The following LRRC17 variants were observed in gnomAD, a reference collection of about 807,000 sequenced individuals.
LRRC17 encodes the protein leucine-rich repeat-containing protein 17.
Under a neutral mutation model 41.5 loss-of-function variants are expected in LRRC17, and 33 were observed. The ratio of observed to expected loss-of-function variants is 0.80; its 90% CI spans 0.60 to 1.06. The LOEUF is 1.06. LRRC17 is among the 50% of genes least tolerant of loss of function. LRRC17 has a pLI of 0.00. For synonymous variants in LRRC17, 192 were observed against 197.0 expected (o/e 0.97, Z 0.21); for missense variants, 491 against 519.3 (o/e 0.95, Z 0.53).
chr7:102,926,612 A>G (rs776530302), intron 1 of LRRC17, among the ~76,000 whole-genome samples: 3 of 152,212 alleles, frequency 2.0e-5, no homozygotes, highest in Non-Finnish European at 4.4e-5. Context: ...TCATTCCATC[A>G]CAATGACACT....
chr7:102,939,894 G>GT lies in LRRC17; in HGVS notation c.928+319dup, dbSNP rs199710203. Among the ~76,000 whole-genome samples the GT allele has an allele frequency of 7.1e-4, 105 of 148,274 alleles. No homozygotes were observed. The East Asian group carries it at 9.2e-3, about 13-fold the overall frequency. ...GTCAATAGTATACTAAAATGTAGTG[G>GT]TTTTTTTTTTGTTTTTTGAGATGGA... is the stretch of plus-strand genomic sequence containing the variant. On this transcript the variant is annotated intron_variant, in intron 3 of 3. Transcript: ENST00000339431.
chr7:102,929,736 C>T (rs972912353), intron 1 of LRRC17, among the ~76,000 whole-genome samples: 31 of 150,886 alleles, frequency 2.1e-4, no homozygotes, highest in Non-Finnish European at 3.1e-4. Flanking sequence ...TGCATAGGGC[C>T]GGGGGTTGAG....
chr7:102,922,918 C>A (rs1480349226), intron 1 of LRRC17, among the ~76,000 whole-genome samples: 1 of 152,064 alleles, frequency 6.6e-6, no homozygotes, highest in African/African-American at 2.4e-5. Context: ...GCGGAGCTTG[C>A]AGTGAGCTGA....
chr7:102,933,253 T>C (rs1446682745), intron 1 of LRRC17: 1 of 152,012 alleles, frequency 6.6e-6, no homozygotes, highest in Non-Finnish European at 1.5e-5. Context: ...CCCAACATGG[T>C]TGGTGACTGG....
chr7:102,928,177 T>C (rs12056296), intron 1 of LRRC17, among the ~76,000 whole-genome samples: 29,362 of 152,114 alleles, frequency 0.19, 3,042 homozygotes, highest in East Asian at 0.43. Flanking sequence ...CATTCTCAGA[T>C]TGAGATGAGG....
In LRRC17 at chr7:102,939,488, CA is replaced by C; in HGVS notation, c.833del (p.Asn278IlefsTer17). 1 of 1,613,794 alleles carries C rather than the reference CA, an allele frequency of 6.2e-7. No individual in the cohort carries two copies. Among genetic ancestry groups the C allele is most frequent in the Non-Finnish European group, 8.5e-7 (1 of 1,179,828 alleles). On this transcript the variant is annotated frameshift_variant, in exon 3 of 4. Transcript: ENST00000339431. LOFTEE classifies it high-confidence loss of function. ...PDIVKLDLSYNKINQLRPKEF... is the reference protein window; with the variant it reads ...PDIVKLDLSYXKINQLRPKEF... ...ATATTGTTAAACTTGACTTGTCATA[CA>C]ATAAAATCAACCAACTTCGACCCAA...
Position 102,933,880 on chromosome 7 carries a change from A to G in LRRC17, c.-34A>G, listed in dbSNP as rs1472153923. The G allele has an allele frequency of 6.4e-7, 1 of 1,553,928 alleles. No individual in the cohort carries two copies. Among genetic ancestry groups the G allele is most frequent in the Non-Finnish European group, 8.7e-7 (1 of 1,147,830 alleles). On this transcript the variant is annotated 5_prime_UTR_variant, in exon 2 of 4. Transcript: ENST00000339431. ...GGAATACTTTCATTGTTCCGTCTGTAACACGAAGTAATTGGGGCCAGCTGG... is the reference window on the plus strand; with the variant it reads ...GGAATACTTTCATTGTTCCGTCTGTGACACGAAGTAATTGGGGCCAGCTGG...
chr7:102,944,532 A>T lies in LRRC17; in HGVS notation c.1251A>T (p.Glu417Asp), dbSNP rs770432607. ...AYPESFDQDT[E>D]DDEWEKKHRD... ...CTGAGTCATTTGACCAAGACACAGA[A>T]GATGATGAATGGGAAAAAAAACATA... Residue 417 changes from glutamate to aspartate, a missense_variant, in exon 4 of 4, where the codon GAA becomes GAT. Coordinates refer to ENST00000339431, the MANE Select transcript of LRRC17 (RefSeq NM_001031692.3). 1.2e-6 allele frequency: 2 copies of T among 1,613,770 alleles called. No individual in the cohort carries two copies. The highest frequency in any genetic ancestry group is 1.7e-6 in the Non-Finnish European group (2 of 1,179,940).
intron 1 of LRRC17, among the ~76,000 whole-genome samples, chr7:102,922,085 G>C (rs551949822): frequency 5.6e-4 from 85 of 152,082 alleles, no homozygotes; most frequent in Non-Finnish European, 1.0e-3. Context: ...AGTTACTCAG[G>C]AGGCTGAGGC....
At chr7:102,924,285 A>G (rs186153876) in intron 1 of LRRC17, among the ~76,000 whole-genome samples, 12 of 152,054 alleles carry the variant, frequency 7.9e-5, no homozygotes, top group African/African-American at 2.6e-4. Flanking sequence ...TAGGTACTGC[A>G]AAAAAACAGG....
At chr7:102,920,072 G>A (rs1022111998) in intron 1 of LRRC17, among the ~76,000 whole-genome samples, 1 of 152,214 alleles carries the variant, frequency 6.6e-6, no homozygotes, top group Non-Finnish European at 1.5e-5. Context: ...TCAAGTTCAA[G>A]GGAGAAGTAG....
intron 1 of LRRC17, among the ~76,000 whole-genome samples, chr7:102,925,960 G>T (rs894986948): frequency 6.9e-6 from 1 of 145,664 alleles, no homozygotes; most frequent in African/African-American, 2.5e-5. Flanking sequence ...AAAAAAAAAA[G>T]GTCCCAGACA....
intron 3 of LRRC17, among the ~76,000 whole-genome samples, chr7:102,941,790 T>G (rs192743567): frequency 6.6e-6 from 1 of 152,114 alleles, no homozygotes; most frequent in East Asian, 1.9e-4. Context: ...TGTCCTAAGT[T>G]AAATGTATTA....
At chr7:102,940,651 C>G (rs1821243584) in intron 3 of LRRC17, among the ~76,000 whole-genome samples, 1 of 152,156 alleles carries the variant, frequency 6.6e-6, no homozygotes, top group Non-Finnish European at 1.5e-5. Context: ...AAACCAGAGC[C>G]AGACATATTA....
intron 1 of LRRC17, among the ~76,000 whole-genome samples, chr7:102,915,536 A>T (rs1470405174): frequency 1.3e-5 from 2 of 152,138 alleles, no homozygotes; most frequent in Admixed American, 1.3e-4. Flanking sequence ...AATCCATGTG[A>T]TCAGTTAACA....
chr7:102,931,993 T>G, intron 1 of LRRC17: 2 of 1,517,326 alleles, frequency 1.3e-6, no homozygotes, highest in Admixed American at 3.4e-5. Flanking sequence ...AACAAAGTTT[T>G]TCTATCTTAC....
chr7:102,934,819 A>G, intron 2 of LRRC17, 134 bp downstream of exon 2: 2 of 854,002 alleles, frequency 2.3e-6, no homozygotes, highest in South Asian at 1.9e-5. Context: ...CCTATTGACA[A>G]TGGAATTTAC....
chr7:102,929,899 A>G (rs1468144402), intron 1 of LRRC17, among the ~76,000 whole-genome samples: 1 of 151,994 alleles, frequency 6.6e-6, no homozygotes, highest in African/African-American at 2.4e-5. Context: ...TCTCAATATA[A>G]ATATAAATTT....
At chr7:102,920,880 G>A (rs1364752753) in intron 1 of LRRC17, among the ~76,000 whole-genome samples, 2 of 152,194 alleles carry the variant, frequency 1.3e-5, no homozygotes, top group African/African-American at 2.4e-5. Flanking sequence ...CAGGCTGGGC[G>A]TGTTGGCTCA....
Sources: allele counts gnomAD v4.1 joint callset (sites outside exome capture counted in the v4.1 genomes callset), GRCh38; gene constraint gnomAD v4.1.1; transcripts MANE v1.5; gene names NCBI Gene and HGNC (gene_info 2026-07-23, HGNC 2026-07-21).